Variants in PRKD1 observed in about 807,000 individuals in gnomAD.
PRKD1 encodes the protein serine/threonine-protein kinase D1.
PRKD1 carries 63 observed loss-of-function variants against 95.9 expected under a neutral mutation model. The observed-to-expected ratio is 0.66, with a 90% CI of 0.54 to 0.81. The LOEUF is 0.81. Ranked by LOEUF, PRKD1 falls within the 30% of genes least tolerant of loss-of-function variation. The pLI is 0.00. For missense variants in PRKD1, 1,048 were observed against 1,165.3 expected, an observed-to-expected ratio of 0.90 and a Z score of 1.47; for synonymous variants, 425 against 423.1, an observed-to-expected ratio of 1.00 and a Z score of -0.05.
At chr14:29,840,796 A>G (rs1160298118) in intron 1 of PRKD1, among the ~76,000 whole-genome samples, 1 of 152,200 alleles carries the variant, frequency 6.6e-6, no homozygotes, top group African/African-American at 2.4e-5. Context: ...AGATCTCTTG[A>G]GACCCACTCA....
chr14:29,888,939 T>C (rs749709683), intron 1 of PRKD1, among the ~76,000 whole-genome samples: 3 of 152,234 alleles, frequency 2.0e-5, no homozygotes, highest in Non-Finnish European at 2.9e-5. Flanking sequence ...TAGCTCTTTA[T>C]TGCATAAGCA....
chr14:29,913,295 G>A (rs1294195299), intron 1 of PRKD1, among the ~76,000 whole-genome samples: 1 of 152,072 alleles, frequency 6.6e-6, no homozygotes, highest in Non-Finnish European at 1.5e-5. Context: ...AAATGTACAG[G>A]TTTTTTGGCC....
At chr14:29,623,264 G>C (rs567054016) in intron 13 of PRKD1, among the ~76,000 whole-genome samples, 2 of 152,318 alleles carry the variant, frequency 1.3e-5, no homozygotes, top group South Asian at 4.1e-4. Context: ...GGCAATATTT[G>C]TGGCTGTCTG....
At chr14:29,617,565 C>T (rs752494481) in intron 13 of PRKD1, among the ~76,000 whole-genome samples, 12 of 151,780 alleles carry the variant, frequency 7.9e-5, no homozygotes, top group Non-Finnish European at 1.0e-4. Context: ...GTTCTAGTAT[C>T]GATAAATGAA....
intron 1 of PRKD1, among the ~76,000 whole-genome samples, chr14:29,848,415 C>T (rs1892168649): frequency 6.6e-6 from 1 of 151,934 alleles, no homozygotes; most frequent in Non-Finnish European, 1.5e-5. Flanking sequence ...TTTTTGAAAG[C>T]CAGGCATTAA....
chr14:29,706,355 T>C (rs1885090047), intron 2 of PRKD1, among the ~76,000 whole-genome samples: 2 of 152,134 alleles, frequency 1.3e-5, no homozygotes, highest in Admixed American at 6.6e-5. Flanking sequence ...GTTATTCTTG[T>C]TCACTGATGA....
At chr14:29,773,463 A>T (rs1179658868) in intron 1 of PRKD1, among the ~76,000 whole-genome samples, 5 of 150,986 alleles carry the variant, frequency 3.3e-5, no homozygotes, top group African/African-American at 4.9e-5. Context: ...CTGTCTCAAA[A>T]AAAAAAAAAA....
intron 1 of PRKD1, among the ~76,000 whole-genome samples, chr14:29,789,385 G>A (rs1889431599): frequency 1.3e-5 from 2 of 152,084 alleles, no homozygotes; most frequent in Admixed American, 6.5e-5. Context: ...TTTATGGATG[G>A]CTTTTTGGGG....
chr14:29,625,335 T>C lies in PRKD1; in HGVS notation c.1799-1077A>G, dbSNP rs45573940. Reference sequence around the variant, plus strand: ...TCACTGTAGTACTTGACCTCTCTTCTGAGACTCTTCTCATCTACTTTACTC... The same window carrying C: ...TCACTGTAGTACTTGACCTCTCTTCCGAGACTCTTCTCATCTACTTTACTC... On this transcript the variant is annotated intron_variant, in intron 12 of 17. Coordinates refer to ENST00000331968, the MANE Select transcript of PRKD1 (RefSeq NM_002742.3). 1.7e-3 allele frequency among the ~76,000 whole-genome samples: 260 copies of C among 152,320 alleles called. 10 individuals are homozygous for C. The East Asian group carries it at 0.045, about 26-fold the overall frequency.
intron 1 of PRKD1, among the ~76,000 whole-genome samples, chr14:29,926,183 A>G (rs1895288407): frequency 6.6e-6 from 1 of 152,138 alleles, no homozygotes; most frequent in Non-Finnish European, 1.5e-5. Context: ...GATTTAGCAA[A>G]CTCTGTTACA....
At chr14:29,700,213 T>C (rs1170333039) in intron 2 of PRKD1, among the ~76,000 whole-genome samples, 1 of 152,096 alleles carries the variant, frequency 6.6e-6, no homozygotes, top group East Asian at 1.9e-4. Context: ...TAATTAAAAA[T>C]GCAATAATCA....
intron 10 of PRKD1, among the ~76,000 whole-genome samples, chr14:29,629,344 C>CT (rs1257079457): frequency 6.6e-6 from 1 of 152,130 alleles, no homozygotes; most frequent in Non-Finnish European, 1.5e-5. Context: ...GATTCAAATA[C>CT]TGGCTTTGCT....
At chr14:29,822,210 GTCT>G (rs1262526128) in intron 1 of PRKD1, among the ~76,000 whole-genome samples, 2 of 152,240 alleles carry the variant, frequency 1.3e-5, no homozygotes, top group East Asian at 3.9e-4. Flanking sequence ...CTGACTGCAA[GTCT>G]TCATTACACA....
intron 1 of PRKD1, among the ~76,000 whole-genome samples, chr14:29,800,637 A>T (rs983166932): frequency 5.3e-5 from 8 of 152,226 alleles, no homozygotes; most frequent in Non-Finnish European, 1.2e-4. Flanking sequence ...AATTGTGAAC[A>T]CTACAGACTC....
Position 29,599,035 on chromosome 14 carries a change from A to G in PRKD1, c.2158T>C (p.Phe720Leu). 2 of 1,612,308 alleles carry G rather than the reference A, an allele frequency of 1.2e-6. No homozygotes were observed. Among genetic ancestry groups the G allele is most frequent in the East Asian group, 4.5e-5 (2 of 44,856 alleles). Residue 720 changes from phenylalanine (F) to leucine (L), a missense_variant, in exon 15 of 18, where the codon TTT becomes CTT. Transcript: ENST00000331968. ...ENVLLASADP[F>L]PQVKLCDFGF... ...GAGGCTTTTATACTTGCCTGAGGAA[A>G]AGGATCAGCTGAGGCTAGCAACACA...
At chr14:29,889,837 G>A (rs1320326003) in intron 1 of PRKD1, among the ~76,000 whole-genome samples, 1 of 152,208 alleles carries the variant, frequency 6.6e-6, no homozygotes, top group Non-Finnish European at 1.5e-5. Flanking sequence ...GTATACCTAT[G>A]TAACAAACCT....
At chr14:29,777,459 C>G (rs1013382352) in intron 1 of PRKD1, among the ~76,000 whole-genome samples, 1 of 151,936 alleles carries the variant, frequency 6.6e-6, no homozygotes, top group Non-Finnish European at 1.5e-5. Context: ...ATCTACCAAG[C>G]AAATGGAAAA....
At chr14:29,656,767 A>T (rs570894606) in intron 4 of PRKD1, among the ~76,000 whole-genome samples, 1 of 151,988 alleles carries the variant, frequency 6.6e-6, no homozygotes, top group African/African-American at 2.4e-5. Flanking sequence ...GCTAGATGTT[A>T]AAAAAAACAG....
chr14:29,715,885 C>T (rs760373027), intron 2 of PRKD1, among the ~76,000 whole-genome samples: 1 of 151,982 alleles, frequency 6.6e-6, no homozygotes, highest in Non-Finnish European at 1.5e-5. Context: ...GTAAATAAGC[C>T]ACATGCGTTT....
Sources: allele counts gnomAD v4.1 joint callset (sites outside exome capture counted in the v4.1 genomes callset), GRCh38; gene constraint gnomAD v4.1.1; transcripts MANE v1.5; gene names NCBI Gene and HGNC (gene_info 2026-07-23, HGNC 2026-07-21).